CSMD1: variants seen among roughly 807,000 people sequenced by gnomAD.
CSMD1 encodes CUB and sushi domain-containing protein 1.
In CSMD1, 213 loss-of-function variants were observed where a neutral mutation model predicts 417.5. The ratio of observed to expected loss-of-function variants is 0.51; its 90% CI spans 0.46 to 0.57. CSMD1 has a LOEUF of 0.57. CSMD1 is among the 20% of genes least tolerant of loss of function. The probability of loss-of-function intolerance (pLI) is 0.00; values close to 1 mark genes in which losing one functional copy is unlikely to be tolerated. For missense variants in CSMD1, 6,923 were observed against 4,529.7 expected, an observed-to-expected ratio of 1.53 and a Z score of -15.17; for synonymous variants, 2,862 against 1,736.8, an observed-to-expected ratio of 1.65 and a Z score of -16.11.
intron 4 of CSMD1, among the ~76,000 whole-genome samples, chr8:4,017,357 G>T (rs1027949792): frequency 1.3e-5 from 2 of 152,176 alleles, no homozygotes. Flanking sequence ...CCAGGCTGGA[G>T]TGCAATGGTG....
At chr8:3,759,317 A>T (rs1167087791) in intron 5 of CSMD1, among the ~76,000 whole-genome samples, 1 of 152,182 alleles carries the variant, frequency 6.6e-6, no homozygotes, top group Non-Finnish European at 1.5e-5. Context: ...GAGGAAAAGG[A>T]CAGAAAACAA....
At chr8:3,983,206 C>T (rs1433310784) in intron 5 of CSMD1, among the ~76,000 whole-genome samples, 12 of 150,520 alleles carry the variant, frequency 8.0e-5, no homozygotes, top group Non-Finnish European at 1.5e-4. Context: ...TCTCAGCTCA[C>T]TGCAAGCTCC....
chr8:4,171,184 C>T (rs926824146), intron 3 of CSMD1, among the ~76,000 whole-genome samples: 35 of 151,834 alleles, frequency 2.3e-4, no homozygotes, highest in African/African-American at 7.5e-4. Flanking sequence ...ATCAAATATC[C>T]ATCACCATCA....
intron 11 of CSMD1, among the ~76,000 whole-genome samples, chr8:3,477,230 G>C (rs4995838): frequency 0.61 from 92,931 of 151,650 alleles, 29,298 homozygotes; most frequent in Middle Eastern, 0.74. Flanking sequence ...GATTTTATGG[G>C]TATGTACCTG....
chr8:4,962,476 T>A (rs1809571662), intron 1 of CSMD1, among the ~76,000 whole-genome samples: 1 of 152,130 alleles, frequency 6.6e-6, no homozygotes, highest in Non-Finnish European at 1.5e-5. Flanking sequence ...CATCTAAAGC[T>A]CTGAGATTCC....
Position 3,937,909 on chromosome 8 carries a change from A to G in CSMD1, c.818+59994T>C, listed in dbSNP as rs187868733. 2.0e-4 allele frequency among the ~76,000 whole-genome samples: 30 copies of G among 152,322 alleles called. No individual in the cohort carries two copies. The East Asian group carries it at 5.2e-3, about 26-fold the overall frequency. ...GAAACTTTATGATTTAAAGAGTTAT[A>G]AAACTTTATTAAACCTCAGTTCTAA... On this transcript the variant is annotated intron_variant, in intron 5 of 69. Transcript: ENST00000635120.
chr8:3,555,343 G>C (rs1799097714), intron 10 of CSMD1, among the ~76,000 whole-genome samples: 1 of 152,118 alleles, frequency 6.6e-6, no homozygotes, highest in African/African-American at 2.4e-5. Context: ...GACACGTTCA[G>C]GGTATTTCTG....
intron 2 of CSMD1, among the ~76,000 whole-genome samples, chr8:4,426,706 C>T (rs1270068574): frequency 4.1e-5 from 6 of 146,036 alleles, no homozygotes; most frequent in Non-Finnish European, 9.0e-5. Flanking sequence ...TTATATAATG[C>T]AGTAATATTT....
At chr8:4,292,606 C>G (rs908406364) in intron 3 of CSMD1, among the ~76,000 whole-genome samples, 1 of 152,124 alleles carries the variant, frequency 6.6e-6, no homozygotes, top group African/African-American at 2.4e-5. Flanking sequence ...AAGATTAATA[C>G]ATGTAAACAT....
intron 2 of CSMD1, among the ~76,000 whole-genome samples, chr8:4,624,519 C>T (rs1016423745): frequency 6.6e-6 from 1 of 152,088 alleles, no homozygotes; most frequent in Non-Finnish European, 1.5e-5. Context: ...GGTGCATTGC[C>T]TTTGGCCTGC....
At chr8:4,768,942 T>C (rs1205540043) in intron 1 of CSMD1, among the ~76,000 whole-genome samples, 1 of 152,212 alleles carries the variant, frequency 6.6e-6, no homozygotes, top group Non-Finnish European at 1.5e-5. Flanking sequence ...ACCATTTACC[T>C]AAAAGTCAGG....
chr8:4,470,558 CAG>C (rs1194560043), intron 2 of CSMD1, among the ~76,000 whole-genome samples: 2 of 152,182 alleles, frequency 1.3e-5, no homozygotes, highest in Non-Finnish European at 2.9e-5. Context: ...CCAAAGGATT[CAG>C]AGTGAATGTA....
chr8:4,890,704 C>A (rs1456389314), intron 1 of CSMD1, among the ~76,000 whole-genome samples: 13 of 152,220 alleles, frequency 8.5e-5, no homozygotes, highest in African/African-American at 2.9e-4. Context: ...TTTTGTTCTG[C>A]ATGTTATTAG....
intron 17 of CSMD1, among the ~76,000 whole-genome samples, chr8:3,395,091 G>A (rs1195106902): frequency 6.6e-6 from 1 of 152,078 alleles, no homozygotes; most frequent in African/African-American, 2.4e-5. Context: ...AGGTGATGTG[G>A]GGAATGGAAG....
intron 5 of CSMD1, among the ~76,000 whole-genome samples, chr8:3,824,810 A>T (rs535822480): frequency 1.2e-4 from 19 of 152,230 alleles, no homozygotes; most frequent in African/African-American, 4.3e-4. Flanking sequence ...AAACTGATGG[A>T]TGAGCAAATT....
chr8:3,742,054 AT>A (rs1242618817), intron 6 of CSMD1, among the ~76,000 whole-genome samples: 1 of 149,726 alleles, frequency 6.7e-6, no homozygotes, highest in Non-Finnish European at 1.5e-5. Flanking sequence ...CTTCACACTC[AT>A]TCAGCACATT....
chr8:3,151,998 A>G (rs1819224424), intron 39 of CSMD1, among the ~76,000 whole-genome samples: 1 of 152,232 alleles, frequency 6.6e-6, no homozygotes, highest in Non-Finnish European at 1.5e-5. Context: ...GAAGAGATGA[A>G]GAAATTTGCC....
chr8:4,188,675 C>T (rs977020723), intron 3 of CSMD1, among the ~76,000 whole-genome samples: 4 of 151,976 alleles, frequency 2.6e-5, no homozygotes, highest in African/African-American at 7.3e-5. Context: ...ACAGTCTAGT[C>T]TTTTAACCTT....
At chr8:4,787,573 T>C (rs950465484) in intron 1 of CSMD1, 5 of 1,493,134 alleles carry the variant, frequency 3.3e-6, no homozygotes, top group Non-Finnish European at 4.7e-6. Flanking sequence ...CAGCTTTCAT[T>C]GCACCCCAGT....
Sources: gnomAD v4.1 joint callset for allele counts (sites outside exome capture counted in the v4.1 genomes callset) on GRCh38, gnomAD v4.1.1 for gene constraint, MANE v1.5 for transcripts, NCBI Gene and HGNC (gene_info 2026-07-23, HGNC 2026-07-21) for gene names.